Variants in DGKI observed in about 807,000 individuals in gnomAD.
DGKI encodes diacylglycerol kinase iota, also known as DAG kinase iota.
In DGKI, 55 loss-of-function variants were observed where a neutral mutation model predicts 147.5. The observed-to-expected ratio is 0.37, with a 90% CI of 0.30 to 0.47. The LOEUF (loss-of-function observed/expected upper bound fraction) is 0.47. DGKI is among the 20% of genes least tolerant of loss of function. The probability of loss-of-function intolerance (pLI) is 1.00; values close to 1 mark genes in which losing one functional copy is unlikely to be tolerated. For synonymous variants in DGKI, 469 were observed against 477.1 expected, an observed-to-expected ratio of 0.98 and a Z score of 0.22; for missense variants, 1,007 against 1,323.8, an observed-to-expected ratio of 0.76 and a Z score of 3.71.
At chr7:137,813,242 A>C (rs547588404) in intron 1 of DGKI, among the ~76,000 whole-genome samples, 1 of 152,316 alleles carries the variant, frequency 6.6e-6, no homozygotes, top group East Asian at 1.9e-4. Flanking sequence ...TCTCGGGAGC[A>C]TCACTTCTCC....
chr7:137,557,565 G>T (rs1431493063), intron 19 of DGKI, among the ~76,000 whole-genome samples: 3 of 152,154 alleles, frequency 2.0e-5, no homozygotes, highest in Non-Finnish European at 4.4e-5. Context: ...AAAGGAACAA[G>T]AAATAAAAAT....
At chr7:137,820,255 C>G (rs936392792) in intron 1 of DGKI, among the ~76,000 whole-genome samples, 1 of 152,212 alleles carries the variant, frequency 6.6e-6, no homozygotes, top group Non-Finnish European at 1.5e-5. Flanking sequence ...ATGAATCTCA[C>G]AGCAGGAGGC....
intron 6 of DGKI, among the ~76,000 whole-genome samples, chr7:137,632,329 G>C (rs1407735327): frequency 6.6e-6 from 1 of 152,200 alleles, no homozygotes; most frequent in Non-Finnish European, 1.5e-5. Flanking sequence ...AGAATCCATT[G>C]ATTGAAGGAG....
intron 21 of DGKI, among the ~76,000 whole-genome samples, chr7:137,517,361 G>A (rs913262118): frequency 1.3e-4 from 16 of 121,522 alleles, no homozygotes; most frequent in Non-Finnish European, 2.3e-4. Context: ...AAGAAGGAAA[G>A]AAAGAGGGAG....
chr7:137,620,026 C>CAT, intron 7 of DGKI, 86 bp from the exon 8 acceptor site: 1 of 691,628 alleles, frequency 1.4e-6, no homozygotes, highest in Non-Finnish European at 2.5e-6. Context: ...CACGCACACA[C>CAT]ACACACACAC....
At chr7:137,634,784 C>T (rs1156397134) in intron 6 of DGKI, among the ~76,000 whole-genome samples, 1 of 152,182 alleles carries the variant, frequency 6.6e-6, no homozygotes, top group Non-Finnish European at 1.5e-5. Context: ...TTGGTATATA[C>T]GTCCAGGCCA....
At chr7:137,424,559 C>G (rs10258843) in intron 28 of DGKI, among the ~76,000 whole-genome samples, 61,802 of 151,886 alleles carry the variant, frequency 0.41, 13,140 homozygotes, top group East Asian at 0.74. Context: ...TGCAGTGCAC[C>G]GTGCGCGAGC....
In DGKI at chr7:137,618,151, A is replaced by ATATATATATATATATATT; in HGVS notation, c.993+1672_993+1673insAATATATATATATATATA. Among the ~76,000 whole-genome samples the ATATATATATATATATATT allele has an allele frequency of 4.8e-4, 5 of 10,464 alleles. 1 individual carries two copies. The highest frequency in any genetic ancestry group is 3.7e-4 in the African/African-American group (3 of 8,008). The allele number at this position is 10,464 out of a possible 152,430, so 6.9% of individuals were successfully genotyped here. Reference sequence around the variant, plus strand: ...ACTATATATATATATATATATATATATTTTTTTTTTTTTACTCTATCATTC... The same window carrying ATATATATATATATATATT: ...ACTATATATATATATATATATATATATATATATATATATATATTTTTTTTTTTTTTTACTCTATCATTC... On this transcript the variant is annotated intron_variant, in intron 8 of 32. Coordinates refer to ENST00000614521, the MANE Select transcript of DGKI (RefSeq NM_001321708.2).
In DGKI at chr7:137,466,776, A is replaced by G. The variant is rs569915702; in HGVS notation, c.2484+126T>C. 3.9e-5 allele frequency: 36 copies of G among 917,236 alleles called. No individual in the cohort carries two copies. The Admixed American group carries it at 4.9e-4, about 13-fold the overall frequency. The allele number at this position is 917,236 out of a possible 1,614,324, so 56.8% of individuals were successfully genotyped here. On this transcript the variant is annotated intron_variant, in intron 25 of 32. Transcript: ENST00000614521. The stretch of plus-strand genomic sequence containing the variant: ...CAAATAAAAGGTTCAAGCTTAAGTT[A>G]TGAACACCATTCCAAAATTTGTGTC...
intron 10 of DGKI, among the ~76,000 whole-genome samples, chr7:137,605,808 A>C (rs1240124033): frequency 1.3e-5 from 2 of 152,190 alleles, no homozygotes; most frequent in Non-Finnish European, 2.9e-5. Flanking sequence ...AAAGACTGGG[A>C]AGGGTGTGGT....
At chr7:137,441,222 C>T (rs1332534901) in intron 28 of DGKI, among the ~76,000 whole-genome samples, 1 of 151,836 alleles carries the variant, frequency 6.6e-6, no homozygotes, top group East Asian at 1.9e-4. Flanking sequence ...AGATCGAGAC[C>T]ATCCTGGCTA....
At chr7:137,842,780 A>T (rs921402873) in intron 1 of DGKI, among the ~76,000 whole-genome samples, 1 of 152,174 alleles carries the variant, frequency 6.6e-6, no homozygotes, top group Non-Finnish European at 1.5e-5. Flanking sequence ...TATTTCTGAG[A>T]TAGTAGAAGA....
chr7:137,841,723 C>T (rs902883993), intron 1 of DGKI, among the ~76,000 whole-genome samples: 8 of 152,086 alleles, frequency 5.3e-5, no homozygotes, highest in African/African-American at 1.9e-4. Context: ...GCCAGACGAA[C>T]ATACAGGGTG....
chr7:137,625,458 T>C (rs1355553954), intron 6 of DGKI, among the ~76,000 whole-genome samples: 2 of 150,812 alleles, frequency 1.3e-5, no homozygotes, highest in African/African-American at 4.9e-5. Flanking sequence ...AGACTCCATC[T>C]CAAAAAAAAT....
chr7:137,480,216 G>A (rs1472450653), intron 23 of DGKI, among the ~76,000 whole-genome samples: 2 of 152,098 alleles, frequency 1.3e-5, no homozygotes, highest in Non-Finnish European at 2.9e-5. Flanking sequence ...ACCCATTTCT[G>A]ACAGCTTTAA....
At chr7:137,722,227 GA>G in intron 1 of DGKI, 1 of 1,600,100 alleles carries the variant, frequency 6.2e-7, no homozygotes, top group Non-Finnish European at 8.5e-7. Flanking sequence ...ATCCAAGGTT[GA>G]AAAGAAAAAG....
intron 1 of DGKI, among the ~76,000 whole-genome samples, chr7:137,841,490 A>G (rs963961524): frequency 6.6e-6 from 1 of 152,218 alleles, no homozygotes. Flanking sequence ...CTCACATGCC[A>G]TCATTTATTT....
intron 1 of DGKI, among the ~76,000 whole-genome samples, chr7:137,810,271 G>A (rs1054485801): frequency 6.6e-6 from 1 of 152,118 alleles, no homozygotes; most frequent in Admixed American, 6.6e-5. Flanking sequence ...ACCAATCAAT[G>A]GATTTCTGTA....
chr7:137,402,821 G>A (rs1585079641), intron 30 of DGKI, among the ~76,000 whole-genome samples: 1 of 151,986 alleles, frequency 6.6e-6, no homozygotes, highest in Non-Finnish European at 1.5e-5. Flanking sequence ...GCAGGATGGT[G>A]GTCAGTTCTC....
Sources: allele counts gnomAD v4.1 joint callset (sites outside exome capture counted in the v4.1 genomes callset), GRCh38; gene constraint gnomAD v4.1.1; transcripts MANE v1.5; gene names NCBI Gene and HGNC (gene_info 2026-07-23, HGNC 2026-07-21).